GPR108: variants seen among roughly 807,000 people sequenced by gnomAD.
The protein encoded by GPR108 is G protein-coupled receptor 108.
In GPR108, 60 loss-of-function variants were observed where a neutral mutation model predicts 74.3. The observed-to-expected ratio is 0.81, with a 90% CI of 0.66 to 1.00. The LOEUF is 1.00. Ranked by LOEUF, GPR108 falls within the 50% of genes least tolerant of loss-of-function variation. The pLI is 0.00. For synonymous variants in GPR108, 311 were observed against 292.4 expected, an observed-to-expected ratio of 1.06 and a Z score of -0.65; for missense variants, 667 against 703.3, an observed-to-expected ratio of 0.95 and a Z score of 0.58.
chr19:6,733,420 G>T, intron 8 of GPR108, 119 bp from the exon 9 acceptor site: 1 of 1,281,628 alleles, frequency 7.8e-7, no homozygotes, highest in Non-Finnish European at 1.1e-6. Flanking sequence ...TCCACTCTGA[G>T]CCTCAGTTGG....
chr19:6,736,161 C>G (rs539832262), intron 2 of GPR108, among the ~76,000 whole-genome samples: 1 of 152,320 alleles, frequency 6.6e-6, no homozygotes, highest in South Asian at 2.1e-4. Flanking sequence ...GTGGCAGGAT[C>G]ATAGCTCACT....
In GPR108 at chr19:6,730,260, G is replaced by C. The variant is rs765756485; in HGVS notation, c.*52C>G. 4 of 1,504,566 alleles carry C rather than the reference G, an allele frequency of 2.7e-6. No homozygotes were observed. Among genetic ancestry groups the C allele is most frequent in the Admixed American group, 1.7e-5 (1 of 59,862 alleles). 93.2% of individuals were successfully genotyped at this position (1,504,566 alleles called of 1,614,324 possible). A position where few individuals can be genotyped will look rare whatever the true frequency, so the allele number is the denominator to read the frequency against. On this transcript the variant is annotated 3_prime_UTR_variant, in exon 18 of 18. Coordinates refer to ENST00000264080, the MANE Select transcript of GPR108 (RefSeq NM_001080452.2). ...CACATACGCTGTGGAAGAAGGGCAG[G>C]AGTGAGAAATGCTGGGGGAGGACGA...
At position 6,732,047 on chromosome 19, in the gene GPR108, C is replaced by T. The variant is rs1438658117; in HGVS notation, c.1234G>A (p.Ala412Thr). The T allele has an allele frequency of 1.2e-5, 20 of 1,613,842 alleles. No homozygotes were observed. Among genetic ancestry groups the T allele is most frequent in the Non-Finnish European group, 1.7e-5 (20 of 1,180,008 alleles). ...LFLVDLICCG[A>T]ILFPVVWSIR... Reference sequence around the variant, plus strand: ...CACCAGACTACGGGGAACAGGATGGCACCACAGCAGATGAGGTCCACCAGG... The same window carrying T: ...CACCAGACTACGGGGAACAGGATGGTACCACAGCAGATGAGGTCCACCAGG... Residue 412 changes from alanine (A) to threonine (T), a missense_variant, in exon 13 of 18, where the codon GCC becomes ACC. Ala to Thr is a moderately conservative substitution (Grantham distance 58, BLOSUM62 0). Coordinates refer to ENST00000264080, the MANE Select transcript of GPR108 (RefSeq NM_001080452.2).
chr19:6,731,501 A>G lies in GPR108; in HGVS notation c.1322T>C (p.Leu441Pro). Residue 441 changes from leucine (L) to proline (P), a missense_variant, in exon 15 of 18, where the codon CTG becomes CCG. Transcript: ENST00000264080. ...DGKVAVNLAK[L>P]KLFRHYYVMV... ...GACATAGTAATGCCGGAACAGCTTC[A>G]GCTTGGCCAGGTTCACTGCCACTGA... The G allele has an allele frequency of 7.3e-7, 1 of 1,372,012 alleles. No homozygotes were observed. The highest frequency in any genetic ancestry group is 9.6e-7 in the Non-Finnish European group (1 of 1,038,912). The allele number at this position is 1,372,012 out of a possible 1,614,324, so 85.0% of individuals were successfully genotyped here.
At chr19:6,733,104 G>A (rs1422121381) in intron 9 of GPR108, 42 bp from the exon 10 acceptor site, 2 of 1,613,232 alleles carry the variant, frequency 1.2e-6, no homozygotes, top group South Asian at 1.1e-5. Context: ...CGGGGCATCA[G>A]CAGAGCATAG....
intron 15 of GPR108, 74 bp from the exon 16 acceptor site, chr19:6,731,356 G>A: frequency 2.7e-6 from 4 of 1,497,686 alleles, no homozygotes; most frequent in Non-Finnish European, 3.6e-6. Flanking sequence ...CTGCAGGACT[G>A]CGGGCTGGGG....
chr19:6,731,851 T>C, intron 14 of GPR108, 40 bp downstream of exon 14: 3 of 1,606,710 alleles, frequency 1.9e-6, no homozygotes, highest in Non-Finnish European at 1.7e-6. Flanking sequence ...GGAGGAGGAA[T>C]GGGGCCATGA....
chr19:6,733,142 G>C (rs1396653397), intron 9 of GPR108, 26 bp downstream of exon 9: 2 of 1,613,878 alleles, frequency 1.2e-6, no homozygotes, highest in Non-Finnish European at 1.7e-6. Flanking sequence ...AGGGACGTGG[G>C]GGACCCTCAG....
chr19:6,730,161 C>T lies in GPR108; in HGVS notation c.*151G>A, dbSNP rs1245954773. 2.8e-6 allele frequency: 2 copies of T among 706,492 alleles called. No individual in the cohort carries two copies. Among genetic ancestry groups the T allele is most frequent in the Non-Finnish European group, 5.0e-6 (2 of 398,470 alleles). 43.8% of individuals were successfully genotyped at this position (706,492 alleles called of 1,614,324 possible). A position where few individuals can be genotyped will look rare whatever the true frequency, so the allele number is the denominator to read the frequency against. Reference sequence around the variant, plus strand: ...TTGGGGGGAGGAAGGGACTCTTCTTCCAAATGGGCTTGTCCGGGAACCGGG... The same window carrying T: ...TTGGGGGGAGGAAGGGACTCTTCTTTCAAATGGGCTTGTCCGGGAACCGGG... On this transcript the variant is annotated 3_prime_UTR_variant, in exon 18 of 18. Coordinates refer to ENST00000264080, the MANE Select transcript of GPR108 (RefSeq NM_001080452.2).
At chr19:6,732,741 G>T in intron 10 of GPR108, 192 bp from the exon 11 acceptor site, 1 of 659,458 alleles carries the variant, frequency 1.5e-6, no homozygotes, top group Admixed American at 2.2e-5. Context: ...ACAGCTGAAG[G>T]GGTGAATAGT....
At chr19:6,733,460 C>T (rs1968505236) in intron 8 of GPR108, 110 bp downstream of exon 8, 1 of 1,334,402 alleles carries the variant, frequency 7.5e-7, no homozygotes, top group Non-Finnish European at 1.1e-6. Context: ...ATAACAGCTC[C>T]TACTTCGCAC....
chr19:6,734,923 C>T (rs1968573100), intron 4 of GPR108, among the ~76,000 whole-genome samples: 1 of 151,166 alleles, frequency 6.6e-6, no homozygotes, highest in Admixed American at 6.6e-5. Flanking sequence ...ATCTGTCGTC[C>T]AGGCTGGAGT....
At chr19:6,737,081 A>C in intron 1 of GPR108, 2 of 377,966 alleles carry the variant, frequency 5.3e-6, no homozygotes, top group Non-Finnish European at 9.8e-6. Flanking sequence ...AAATCCCATT[A>C]AGTGCCCAGA....
At chr19:6,735,426 C>A (rs1037077238) in intron 4 of GPR108, 196 bp downstream of exon 4, 1 of 577,536 alleles carries the variant, frequency 1.7e-6, no homozygotes, top group Non-Finnish European at 3.1e-6. Context: ...TCCGGGTCTT[C>A]TGCCCTGAGA....
At chr19:6,730,761 CT>C (rs1968361177) in intron 17 of GPR108, among the ~76,000 whole-genome samples, 1 of 151,234 alleles carries the variant, frequency 6.6e-6, no homozygotes, top group South Asian at 2.1e-4. Flanking sequence ...AACCCCACCC[CT>C]AGCTCAGCCT....
rs1968484802 is a variant in GPR108 at position 6,733,041 on chromosome 19, G to C, written c.879C>G (p.His293Gln). ...TGAAGGCCAAGGCCGCCATGAGCCA[G>C]TGGATCTTGAAGACGCTGTACCTGG... is the stretch of plus-strand genomic sequence containing the variant. ...CRNTYSVFKI[H>Q]WLMAALAFTK... Residue 293 changes from histidine to glutamine, a missense_variant, in exon 10 of 18, where the codon CAC becomes CAG. By Grantham distance (24) the His-to-Gln change is conservative. Coordinates refer to ENST00000264080, the MANE Select transcript of GPR108 (RefSeq NM_001080452.2). The C allele has an allele frequency of 1.2e-6, 2 of 1,613,244 alleles. No homozygotes were observed. The highest frequency in any genetic ancestry group is 1.7e-6 in the Non-Finnish European group (2 of 1,179,624).
At chr19:6,735,847 G>A (rs563056981) in intron 3 of GPR108, 61 bp downstream of exon 3, 33 of 1,568,054 alleles carry the variant, frequency 2.1e-5, no homozygotes, top group African/African-American at 2.7e-5. Flanking sequence ...CAGATGCAGA[G>A]GACAGACCCT....
At position 6,733,999 on chromosome 19, in the gene GPR108, C is replaced by G. The variant is rs200040403; in HGVS notation, c.549+6G>C. On this transcript the variant is annotated splice_donor_region_variant and intron_variant, in intron 6 of 17. Coordinates refer to ENST00000264080, the MANE Select transcript of GPR108 (RefSeq NM_001080452.2). ...CATCTTCCCTCCTGCCCCGCCTCCCCGAAACCTGAATCACTGCGGGTGTTG... is the reference window on the plus strand; with the variant it reads ...CATCTTCCCTCCTGCCCCGCCTCCCGGAAACCTGAATCACTGCGGGTGTTG... The G allele has an allele frequency of 1.2e-4, 186 of 1,614,172 alleles. 2 individuals are homozygous for G. The highest frequency in any genetic ancestry group is 6.6e-4 in the Middle Eastern group (4 of 6,062).
chr19:6,731,770 C>T, intron 14 of GPR108, 121 bp downstream of exon 14: 3 of 1,173,510 alleles, frequency 2.6e-6, no homozygotes, highest in Non-Finnish European at 3.7e-6. Context: ...CTGGGGCATC[C>T]AGGGAGGCAG....
Sources: allele counts gnomAD v4.1 joint callset (sites outside exome capture counted in the v4.1 genomes callset), GRCh38; gene constraint gnomAD v4.1.1; transcripts MANE v1.5; gene names NCBI Gene and HGNC (gene_info 2026-07-23, HGNC 2026-07-21).